Variants in MOB3B observed in about 807,000 individuals in gnomAD.
MOB3B encodes MOB kinase activator 3B.
A neutral mutation model predicts 18.7 loss-of-function variants in MOB3B; 7 were observed. That is an observed-to-expected ratio of 0.37 (90% CI 0.21 to 0.70). MOB3B has a LOEUF of 0.70. Ranked by LOEUF, MOB3B falls within the 30% of genes least tolerant of loss-of-function variation. The pLI, the probability that MOB3B is intolerant of heterozygous loss-of-function variation, is 0.52. For synonymous variants in MOB3B, 111 were observed against 99.9 expected (o/e 1.11, Z -0.66); for missense variants, 253 against 281.3 (o/e 0.90, Z 0.72).
intron 3 of MOB3B, among the ~76,000 whole-genome samples, chr9:27,354,198 G>T (rs1397574984): frequency 3.3e-5 from 5 of 152,222 alleles, no homozygotes; most frequent in Admixed American, 6.5e-5. Flanking sequence ...GCTAGCCAGG[G>T]TGACCTCTTC....
intron 2 of MOB3B, among the ~76,000 whole-genome samples, chr9:27,360,157 A>T (rs1335831760): frequency 6.6e-6 from 1 of 152,168 alleles, no homozygotes; most frequent in African/African-American, 2.4e-5. Flanking sequence ...AAGCTTATTA[A>T]ATTGATAATG....
chr9:27,368,353 TACACACACACACACAC>T (rs138287792), intron 2 of MOB3B, among the ~76,000 whole-genome samples: 2 of 145,888 alleles, frequency 1.4e-5, no homozygotes, highest in African/African-American at 5.0e-5. Flanking sequence ...CACACATACA[TACACACACACACACAC>T]ACACACACAC....
intron 1 of MOB3B, among the ~76,000 whole-genome samples, chr9:27,467,327 C>T (rs535122543): frequency 6.6e-6 from 1 of 152,192 alleles, no homozygotes; most frequent in Admixed American, 6.5e-5. Context: ...GGTGCTAATA[C>T]CAATATCACA....
chr9:27,468,387 CTT>C (rs1048705541), intron 1 of MOB3B, among the ~76,000 whole-genome samples: 4 of 152,188 alleles, frequency 2.6e-5, no homozygotes, highest in Non-Finnish European at 5.9e-5. Flanking sequence ...AACTGAAAAA[CTT>C]TCTATCCACT....
At chr9:27,453,115 T>C (rs1232576448) in intron 2 of MOB3B, among the ~76,000 whole-genome samples, 1 of 152,178 alleles carries the variant, frequency 6.6e-6, no homozygotes, top group Non-Finnish European at 1.5e-5. Context: ...GTTTGACAAC[T>C]GTAATATATA....
Position 27,447,572 on chromosome 9 carries a change from G to A in MOB3B, c.418+7561C>T, listed in dbSNP as rs191751001. 2.5e-3 allele frequency among the ~76,000 whole-genome samples: 385 copies of A among 152,284 alleles called. 1 individual carries two copies. The highest frequency in any genetic ancestry group is 9.0e-3 in the African/African-American group (372 of 41,542). ...GTAATGGAGAATCCAGTGCAGGTCC[G>A]GACAGCAGGTAATTAGCTGTAACTT... On this transcript the variant is annotated intron_variant, in intron 2 of 3. Transcript: ENST00000262244.
intron 2 of MOB3B, among the ~76,000 whole-genome samples, chr9:27,386,775 G>A (rs975723491): frequency 1.3e-5 from 2 of 152,168 alleles, no homozygotes; most frequent in Admixed American, 6.5e-5. Flanking sequence ...CTTTCCAGGG[G>A]CCAAGGCAGC....
chr9:27,336,137 T>C (rs1300543080), intron 3 of MOB3B, among the ~76,000 whole-genome samples: 3 of 152,192 alleles, frequency 2.0e-5, no homozygotes, highest in Admixed American at 2.0e-4. Flanking sequence ...TTTTCTAATT[T>C]ACAGATGAGG....
intron 1 of MOB3B, among the ~76,000 whole-genome samples, chr9:27,472,526 T>C (rs953484569): frequency 3.3e-5 from 5 of 152,080 alleles, no homozygotes; most frequent in African/African-American, 1.2e-4. Context: ...AAGCCTCCAG[T>C]GGATTTCCTC....
intron 2 of MOB3B, among the ~76,000 whole-genome samples, chr9:27,380,262 A>ATTTT (rs551179750): frequency 1.5e-5 from 2 of 135,442 alleles, no homozygotes; most frequent in African/African-American, 2.7e-5. Context: ...AAGAGATAGG[A>ATTTT]TTTTTTTTTT....
At chr9:27,435,589 T>G (rs1439415660) in intron 2 of MOB3B, among the ~76,000 whole-genome samples, 1 of 152,048 alleles carries the variant, frequency 6.6e-6, no homozygotes, top group Non-Finnish European at 1.5e-5. Flanking sequence ...GTTCTTTTAT[T>G]TATTTGTTTG....
chr9:27,459,924 A>T (rs576515794), intron 1 of MOB3B, among the ~76,000 whole-genome samples: 1 of 152,170 alleles, frequency 6.6e-6, no homozygotes, highest in South Asian at 2.1e-4. Context: ...TTCTAAGTAG[A>T]AATGGAAAGT....
intron 1 of MOB3B, among the ~76,000 whole-genome samples, chr9:27,460,595 C>T (rs1819270563): frequency 6.6e-6 from 1 of 152,094 alleles, no homozygotes; most frequent in Non-Finnish European, 1.5e-5. Flanking sequence ...TCTAAGAGAC[C>T]TTGGTGGTAC....
At chr9:27,434,031 A>G (rs1331692109) in intron 2 of MOB3B, among the ~76,000 whole-genome samples, 2 of 152,212 alleles carry the variant, frequency 1.3e-5, no homozygotes, top group East Asian at 3.9e-4. Context: ...ATCCAGACTC[A>G]GGGTATTTGC....
intron 2 of MOB3B, among the ~76,000 whole-genome samples, chr9:27,415,631 C>T (rs1238996357): frequency 1.3e-5 from 2 of 152,078 alleles, no homozygotes; most frequent in Non-Finnish European, 2.9e-5. Flanking sequence ...GTAAATTTTG[C>T]GTTAATTGTC....
At chr9:27,420,510 C>T (rs919647181) in intron 2 of MOB3B, among the ~76,000 whole-genome samples, 1 of 127,572 alleles carries the variant, frequency 7.8e-6, no homozygotes, top group South Asian at 2.5e-4. Context: ...TCTATATATT[C>T]CATCTATATT....
In MOB3B at chr9:27,523,464, C is replaced by CAAAAAAAAAAAAAAAA. The variant is rs55637136; in HGVS notation, c.-199+6090_-199+6091insTTTTTTTTTTTTTTTT. Among the ~76,000 whole-genome samples the CAAAAAAAAAAAAAAAA allele has an allele frequency of 4.8e-3, 680 of 140,998 alleles. 2 individuals carry two copies. The highest frequency in any genetic ancestry group is 9.0e-3 in the African/African-American group (335 of 37,240). The allele number at this position is 140,998 out of a possible 152,430, so 92.5% of individuals were successfully genotyped here. On this transcript the variant is annotated intron_variant, in intron 1 of 3. Transcript: ENST00000262244. ...TTTAAAAATACTGCCTAAACTGCAC[C>CAAAAAAAAAAAAAAAA]AAAAAAAAAAAAGAAAAGAAAAGAA...
chr9:27,328,712 C>T lies in MOB3B; in HGVS notation c.*1875G>A, dbSNP rs984018641. 2 of 152,332 alleles carry T rather than the reference C, an allele frequency of 1.3e-5. No individual in the cohort carries two copies. Among genetic ancestry groups the T allele is most frequent in the African/African-American group, 4.8e-5 (2 of 41,462 alleles). 9.4% of individuals were successfully genotyped at this position (152,332 alleles called of 1,614,324 possible). On this transcript the variant is annotated 3_prime_UTR_variant, in exon 4 of 4. Coordinates refer to ENST00000262244, the MANE Select transcript of MOB3B (RefSeq NM_024761.5). ...GGGCATGGGCTCCGTAGTTACCTCT[C>T]TGTGCCACTGTGCTGCATTCCCATC...
At chr9:27,405,096 T>A (rs1234143334) in intron 2 of MOB3B, among the ~76,000 whole-genome samples, 1 of 12,196 alleles carries the variant, frequency 8.2e-5, no homozygotes, top group Admixed American at 1.1e-3. Flanking sequence ...CCTTTGTCTT[T>A]TTTTTTTTTT....
Sources: allele counts gnomAD v4.1 joint callset (sites outside exome capture counted in the v4.1 genomes callset), GRCh38; gene constraint gnomAD v4.1.1; transcripts MANE v1.5; gene names NCBI Gene and HGNC (gene_info 2026-07-23, HGNC 2026-07-21).